Variants in VAV3 observed in about 807,000 individuals in gnomAD.
VAV3 encodes vav guanine nucleotide exchange factor 3.
Under a neutral mutation model 131.2 loss-of-function variants are expected in VAV3, and 94 were observed. That is an observed-to-expected ratio of 0.72 (90% CI 0.61 to 0.85). VAV3 has a LOEUF of 0.85. VAV3 is among the 40% of genes least tolerant of loss of function. The pLI, the probability that VAV3 is intolerant of heterozygous loss-of-function variation, is 0.00. For synonymous variants in VAV3, 349 were observed against 342.0 expected (o/e 1.02, Z -0.22); for missense variants, 939 against 1,002.7 (o/e 0.94, Z 0.86).
intron 1 of VAV3, among the ~76,000 whole-genome samples, chr1:107,962,827 C>T (rs1675165966): frequency 6.6e-6 from 1 of 152,220 alleles, no homozygotes; most frequent in African/African-American, 2.4e-5. Context: ...CATTAGCTGT[C>T]CTACTTACCT....
chr1:107,676,256 G>C (rs1300230985), intron 19 of VAV3, among the ~76,000 whole-genome samples: 1 of 152,208 alleles, frequency 6.6e-6, no homozygotes, highest in African/African-American at 2.4e-5. Flanking sequence ...CCAATCAACA[G>C]AGCACTCTGG....
chr1:107,761,392 C>CAAAAAAAAAAAA (rs35391183), intron 9 of VAV3, among the ~76,000 whole-genome samples: 1 of 102,522 alleles, frequency 9.8e-6, no homozygotes. Context: ...GACTCCGTCT[C>CAAAAAAAAAAAA]AAAAAAAAAA....
intron 1 of VAV3, among the ~76,000 whole-genome samples, chr1:107,945,420 T>G (rs1674202774): frequency 2.0e-5 from 3 of 152,202 alleles, no homozygotes; most frequent in African/African-American, 4.8e-5. Flanking sequence ...ATTTATACAT[T>G]CCTCCATATT....
chr1:107,728,049 TG>T (rs1295533743), intron 15 of VAV3, among the ~76,000 whole-genome samples: 1 of 152,164 alleles, frequency 6.6e-6, no homozygotes, highest in Non-Finnish European at 1.5e-5. Flanking sequence ...AGGAGTGGCC[TG>T]CTGGAAATAA....
At chr1:107,904,343 C>T (rs1207881034) in intron 1 of VAV3, among the ~76,000 whole-genome samples, 1 of 152,184 alleles carries the variant, frequency 6.6e-6, no homozygotes, top group African/African-American at 2.4e-5. Flanking sequence ...CAAACATGAA[C>T]AGTCTTACAT....
At chr1:107,872,081 C>A (rs1169563319) in intron 2 of VAV3, among the ~76,000 whole-genome samples, 3 of 152,082 alleles carry the variant, frequency 2.0e-5, no homozygotes, top group Admixed American at 1.3e-4. Flanking sequence ...ATCCACAGAG[C>A]AGTGAGACCC....
intron 2 of VAV3, among the ~76,000 whole-genome samples, chr1:107,844,059 G>T (rs1668850023): frequency 6.6e-6 from 1 of 152,066 alleles, no homozygotes. Context: ...GTTCCAGTCT[G>T]CAGCAACCAG....
chr1:107,662,058 T>C (rs1570707467), intron 19 of VAV3, among the ~76,000 whole-genome samples: 1 of 152,224 alleles, frequency 6.6e-6, no homozygotes, highest in East Asian at 1.9e-4. Context: ...ATTCATAATG[T>C]GAATAATTGT....
chr1:107,848,433 A>G (rs183776077), intron 2 of VAV3, among the ~76,000 whole-genome samples: 124 of 152,298 alleles, frequency 8.1e-4, no homozygotes, highest in African/African-American at 2.7e-3. Flanking sequence ...ATGAAAATCA[A>G]TAAACATAAT....
chr1:107,672,491 G>A (rs188961148), intron 19 of VAV3, among the ~76,000 whole-genome samples: 29 of 151,766 alleles, frequency 1.9e-4, no homozygotes, highest in African/African-American at 6.8e-4. Context: ...ATAAGTCAGA[G>A]GAGGGAAAAT....
At chr1:107,840,921 T>A (rs576943872) in intron 2 of VAV3, among the ~76,000 whole-genome samples, 191 of 146,890 alleles carry the variant, frequency 1.3e-3, no homozygotes, top group Middle Eastern at 3.5e-3. Flanking sequence ...GAGATGCTTT[T>A]AAAAAAAAAA....
intron 15 of VAV3, among the ~76,000 whole-genome samples, chr1:107,723,426 C>T (rs564080279): frequency 2.0e-5 from 3 of 152,088 alleles, no homozygotes; most frequent in Admixed American, 1.3e-4. Context: ...CCAGCTCAGC[C>T]CTCAAGTAAG....
In VAV3 at chr1:107,669,185, C is replaced by T. The variant is rs959136539; in HGVS notation, c.1777+14303G>A. The T allele has an allele frequency of 4.4e-6, 5 of 1,125,616 alleles. No individual in the cohort carries two copies. In the Admixed American group the frequency reaches 1.4e-4, roughly 30 times the overall value. The allele number at this position is 1,125,616 out of a possible 1,614,324, so 69.7% of individuals were successfully genotyped here. On this transcript the variant is annotated intron_variant, in intron 19 of 26. Transcript: ENST00000370056. The stretch of plus-strand genomic sequence containing the variant: ...CTTACAAAAACCTCCTGCTATTCCA[C>T]TCTGCTCAAAGTCTTCTTTCCAAAG...
chr1:107,795,270 A>G (rs1041912911), intron 2 of VAV3, among the ~76,000 whole-genome samples: 2 of 152,266 alleles, frequency 1.3e-5, no homozygotes, highest in African/African-American at 4.8e-5. Flanking sequence ...CAAGATAACT[A>G]GCATCTAAAT....
At chr1:107,879,759 T>C (rs1167797574) in intron 1 of VAV3, among the ~76,000 whole-genome samples, 1 of 152,186 alleles carries the variant, frequency 6.6e-6, no homozygotes, top group African/African-American at 2.4e-5. Flanking sequence ...CTTATTTACA[T>C]AAGTTAACTT....
intron 25 of VAV3, among the ~76,000 whole-genome samples, chr1:107,590,560 C>T (rs1388095918): frequency 6.6e-6 from 1 of 152,186 alleles, no homozygotes; most frequent in Non-Finnish European, 1.5e-5. Context: ...CTCCTCAGTG[C>T]CAGCTGCATC....
chr1:107,777,648 C>A (rs926913812), intron 3 of VAV3: 10 of 278,122 alleles, frequency 3.6e-5, no homozygotes, highest in East Asian at 1.7e-4. Flanking sequence ...CCAAGTCAGA[C>A]AACAAACAGC....
At chr1:107,709,898 G>A (rs1408915047) in intron 15 of VAV3, among the ~76,000 whole-genome samples, 2 of 152,042 alleles carry the variant, frequency 1.3e-5, no homozygotes, top group Admixed American at 6.6e-5. Context: ...CCCAGTCTCA[G>A]GTATGTCTTT....
intron 2 of VAV3, among the ~76,000 whole-genome samples, chr1:107,799,987 T>C (rs905528614): frequency 5.9e-5 from 9 of 152,156 alleles, no homozygotes; most frequent in African/African-American, 2.2e-4. Context: ...AACATAATGA[T>C]CTCCAGTCCC....
Sources: allele counts gnomAD v4.1 joint callset (sites outside exome capture counted in the v4.1 genomes callset), GRCh38; gene constraint gnomAD v4.1.1; transcripts MANE v1.5; gene names NCBI Gene and HGNC (gene_info 2026-07-23, HGNC 2026-07-21).